IL1RAP: variants seen among roughly 807,000 people sequenced by gnomAD.
IL1RAP encodes the protein interleukin-1 receptor accessory protein.
A neutral mutation model predicts 60.7 loss-of-function variants in IL1RAP; 35 were observed. The observed-to-expected ratio is 0.58, with a 90% CI of 0.44 to 0.76. The LOEUF (loss-of-function observed/expected upper bound fraction) is 0.76. Ranked by LOEUF, IL1RAP falls within the 30% of genes least tolerant of loss-of-function variation. The pLI is 0.00. For missense variants in IL1RAP, 572 were observed against 693.9 expected (o/e 0.82, Z 1.97); for synonymous variants, 268 against 250.9 (o/e 1.07, Z -0.64).
intron 4 of IL1RAP, 115 bp from the exon 5 acceptor site, chr3:190,608,880 C>T: frequency 1.4e-6 from 1 of 704,834 alleles, no homozygotes; most frequent in Non-Finnish European, 2.3e-6. Context: ...CATGAACTTA[C>T]ATGTATAAAT....
intron 1 of IL1RAP, among the ~76,000 whole-genome samples, chr3:190,528,244 C>G (rs983713075): frequency 6.6e-6 from 1 of 152,178 alleles, no homozygotes; most frequent in African/African-American, 2.4e-5. Context: ...GCCTTTCTCT[C>G]TCTTATTGTC....
At chr3:190,656,464 C>T (rs1378303495), downstream of IL1RAP, 1 of 1,537,260 alleles carries the variant, frequency 6.5e-7, no homozygotes, top group Non-Finnish European at 8.7e-7. Flanking sequence ...GGAGACACAC[C>T]TCTGTAAGCC....
intron 1 of IL1RAP, among the ~76,000 whole-genome samples, chr3:190,520,811 A>G (rs1481274050): frequency 6.6e-6 from 1 of 152,170 alleles, no homozygotes; most frequent in Non-Finnish European, 1.5e-5. Flanking sequence ...CTGCCAATCA[A>G]TGCTAATGGC....
Position 190,514,227 on chromosome 3 carries a change from T to G in IL1RAP, c.-89+8T>G, listed in dbSNP as rs897377484. On this transcript the variant is annotated splice_region_variant and intron_variant, in intron 1 of 11. Transcript: ENST00000447382. ...CTCAGCTTCCCAAGAAAGGTGAGTC[T>G]CGCGCCGCCGTGAGGGCTCAGAAGT... The G allele has an allele frequency of 6.6e-5, 10 of 152,154 alleles. No homozygotes were observed. The highest frequency in any genetic ancestry group is 2.2e-4 in the African/African-American group (9 of 41,408). 9.4% of individuals were successfully genotyped at this position (152,154 alleles called of 1,614,324 possible).
chr3:190,649,584 C>G lies in IL1RAP; in HGVS notation c.*879C>G. The stretch of plus-strand genomic sequence containing the variant: ...ATTTTTCTGACTCATGAAAAGAGCA[C>G]AGAAAAGGATGTTTGGCAATTTGTC... On this transcript the variant is annotated 3_prime_UTR_variant, in exon 12 of 12. Coordinates refer to ENST00000447382, the MANE Select transcript of IL1RAP (RefSeq NM_002182.4). The G allele has an allele frequency of 1.0e-6, 1 of 985,784 alleles. No homozygotes were observed. The highest frequency in any genetic ancestry group is 1.2e-6 in the Non-Finnish European group (1 of 829,894). 61.1% of individuals were successfully genotyped at this position (985,784 alleles called of 1,614,324 possible).
chr3:190,647,084 C>T (rs1023975615), intron 11 of IL1RAP, among the ~76,000 whole-genome samples: 1 of 152,154 alleles, frequency 6.6e-6, no homozygotes. Context: ...ATTACTCTTG[C>T]ATCTTGCATT....
chr3:190,523,737 A>G (rs191604103), intron 1 of IL1RAP, among the ~76,000 whole-genome samples: 43 of 152,270 alleles, frequency 2.8e-4, no homozygotes, highest in African/African-American at 9.9e-4. Context: ...CACGGTGTAT[A>G]TGTACCATAT....
chr3:190,641,601 G>A (rs1303387523), intron 9 of IL1RAP, among the ~76,000 whole-genome samples: 2 of 152,034 alleles, frequency 1.3e-5, no homozygotes, highest in Non-Finnish European at 2.9e-5. Context: ...AAATAAAATG[G>A]GCAGTAGTAA....
chr3:190,535,588 TC>T (rs1362584236), intron 1 of IL1RAP, among the ~76,000 whole-genome samples: 1 of 152,190 alleles, frequency 6.6e-6, no homozygotes, highest in African/African-American at 2.4e-5. Context: ...CCACTTACAT[TC>T]ACATTTCTGA....
rs1732364889 is a variant in IL1RAP at position 190,627,197 on chromosome 3, G to A, written c.776-126G>A. Reference sequence around the variant, plus strand: ...CTCGTAGCTTCTGATTAGCCAGAGAGTAGAACCAATATAGCCATGTGAAGG... The same window carrying A: ...CTCGTAGCTTCTGATTAGCCAGAGAATAGAACCAATATAGCCATGTGAAGG... On this transcript the variant is annotated intron_variant, in intron 7 of 11. Coordinates refer to ENST00000447382, the MANE Select transcript of IL1RAP (RefSeq NM_002182.4). 5 of 743,770 alleles carry A rather than the reference G, an allele frequency of 6.7e-6. No individual in the cohort carries two copies. In the East Asian group the frequency reaches 1.1e-4, roughly 16 times the overall value. 46.1% of individuals were successfully genotyped at this position (743,770 alleles called of 1,614,324 possible). A position where few individuals can be genotyped will look rare whatever the true frequency, so the allele number is the denominator to read the frequency against.
At chr3:190,615,316 C>A in intron 5 of IL1RAP, 1 of 1,281,734 alleles carries the variant, frequency 7.8e-7, no homozygotes, top group Non-Finnish European at 1.0e-6. Flanking sequence ...CTTGTTTATT[C>A]ACATAGGAAC....
intron 1 of IL1RAP, among the ~76,000 whole-genome samples, chr3:190,529,122 C>T (rs1290972191): frequency 3.3e-5 from 5 of 152,184 alleles, no homozygotes; most frequent in East Asian, 3.9e-4. Flanking sequence ...ATTGGAGCCC[C>T]TGAGTCTCTA....
exon 12 of IL1RAP, chr3:190,656,701 A>T (rs1171295680): frequency 1.4e-6 from 1 of 706,460 alleles, no homozygotes; most frequent in South Asian, 2.3e-5. Context: ...CATCTAATGG[A>T]CTATCAGATT....
At chr3:190,646,164 G>A (rs192227134) in intron 11 of IL1RAP, among the ~76,000 whole-genome samples, 347 of 151,390 alleles carry the variant, frequency 2.3e-3, no homozygotes, top group Non-Finnish European at 3.8e-3. Flanking sequence ...TTCGGTTTAG[G>A]CTAATCTACA....
chr3:190,600,631 C>A (rs955385771), intron 3 of IL1RAP, among the ~76,000 whole-genome samples: 1 of 152,082 alleles, frequency 6.6e-6, no homozygotes, highest in Non-Finnish European at 1.5e-5. Context: ...TAAAATATAC[C>A]CCATCCAAAA....
chr3:190,656,308 G>A, downstream of IL1RAP: 1 of 1,537,240 alleles, frequency 6.5e-7, no homozygotes. Flanking sequence ...CTCAGAGAGG[G>A]CTGCAGGTAG....
intron 3 of IL1RAP, among the ~76,000 whole-genome samples, chr3:190,595,411 T>C (rs1161883520): frequency 1.3e-5 from 2 of 152,212 alleles, no homozygotes; most frequent in African/African-American, 2.4e-5. Context: ...CACTTAAACA[T>C]ATTGATTTCC....
At chr3:190,519,781 G>A (rs951369081) in intron 1 of IL1RAP, among the ~76,000 whole-genome samples, 1 of 151,960 alleles carries the variant, frequency 6.6e-6, no homozygotes, top group Non-Finnish European at 1.5e-5. Context: ...TGTGGTCCTG[G>A]AATTTGTAAT....
intron 4 of IL1RAP, among the ~76,000 whole-genome samples, chr3:190,608,662 A>G (rs751226862): frequency 1.3e-5 from 2 of 152,096 alleles, no homozygotes; most frequent in African/African-American, 2.4e-5. Context: ...TTAAAATTTT[A>G]TGAAACCACC....
Sources: gnomAD v4.1 joint callset for allele counts (sites outside exome capture counted in the v4.1 genomes callset) on GRCh38, gnomAD v4.1.1 for gene constraint, MANE v1.5 for transcripts, NCBI Gene and HGNC (gene_info 2026-07-23, HGNC 2026-07-21) for gene names.